KLF13: variants seen among roughly 807,000 people sequenced by gnomAD.
KLF13 encodes the protein Krueppel-like factor 13.
Under a neutral mutation model 16.7 loss-of-function variants are expected in KLF13, and 8 were observed. The observed-to-expected ratio is 0.48, with a 90% CI of 0.28 to 0.87. The LOEUF is 0.87. KLF13 is among the 40% of genes least tolerant of loss of function. KLF13 has a pLI of 0.10. For missense variants in KLF13, 447 were observed against 452.2 expected, an observed-to-expected ratio of 0.99 and a Z score of 0.10; for synonymous variants, 245 against 208.4, an observed-to-expected ratio of 1.18 and a Z score of -1.51.
chr15:31,335,376 C>T (rs776544273), intron 1 of KLF13, among the ~76,000 whole-genome samples: 2 of 151,654 alleles, frequency 1.3e-5, no homozygotes, highest in African/African-American at 4.8e-5. Context: ...TTCAGTTCCC[C>T]TCCTGATGCA....
At chr15:31,362,095 G>A (rs2140957457) in intron 1 of KLF13, among the ~76,000 whole-genome samples, 1 of 152,324 alleles carries the variant, frequency 6.6e-6, no homozygotes, top group East Asian at 1.9e-4. Context: ...TCAGCCCACA[G>A]TGGTGTCACA....
rs552234466 is a variant in KLF13 at position 31,353,463 on chromosome 15, C to T, written c.578-18547C>T. 8.5e-5 allele frequency among the ~76,000 whole-genome samples: 13 copies of T among 152,324 alleles called. No individual in the cohort carries two copies. The East Asian group carries it at 2.3e-3, about 27-fold the overall frequency. ...TGCCATCTGGCCTGCCCACTTGGGG[C>T]TGGCTGTGTTGGGCCTGGTCCCACC... On this transcript the variant is annotated intron_variant, in intron 1 of 1. Transcript: ENST00000307145.
chr15:31,364,146 TG>T (rs2039428580), intron 1 of KLF13, among the ~76,000 whole-genome samples: 2 of 51,162 alleles, frequency 3.9e-5, no homozygotes, highest in African/African-American at 5.9e-5. Flanking sequence ...GTCATTGTTT[TG>T]CAGGATTTTT....
chr15:31,345,094 G>A (rs577809005), intron 1 of KLF13, among the ~76,000 whole-genome samples: 82 of 152,346 alleles, frequency 5.4e-4, no homozygotes, highest in African/African-American at 1.9e-3. Context: ...TGAGCAGGTG[G>A]GGGTTGGGTC....
chr15:31,393,424 C>G (rs1215640553), intron 1 of KLF13, among the ~76,000 whole-genome samples: 2 of 27,560 alleles, frequency 7.3e-5, no homozygotes, highest in Non-Finnish European at 2.3e-4. Flanking sequence ...CCCGGCCCGT[C>G]CCCCCCCCGT....
At chr15:31,406,252 G>A (rs909742831), downstream of KLF13, among the ~76,000 whole-genome samples, 6 of 152,122 alleles carry the variant, frequency 3.9e-5, no homozygotes, top group Admixed American at 1.3e-4. Flanking sequence ...CAAGGCAGGC[G>A]GATCACCTGA....
intron 2 of KLF13, among the ~76,000 whole-genome samples, chr15:31,400,754 C>G (rs551279937): frequency 3.3e-5 from 5 of 152,102 alleles, no homozygotes; most frequent in African/African-American, 1.2e-4. Flanking sequence ...GCCGAGAGAC[C>G]AGGCAGAGGG....
chr15:31,389,123 TCTC>T (rs1359381582), upstream of KLF13, among the ~76,000 whole-genome samples: 2 of 152,022 alleles, frequency 1.3e-5, no homozygotes, highest in Non-Finnish European at 2.9e-5. Context: ...TCCTCTTTCT[TCTC>T]CTCCTCAGCC....
intron 1 of KLF13, chr15:31,420,523 G>A: frequency 1.7e-6 from 1 of 576,484 alleles, no homozygotes; most frequent in Non-Finnish European, 3.3e-6. Flanking sequence ...GGACCATTCT[G>A]GTCTCCATCC....
At chr15:31,423,353 C>T (rs530661347) in intron 1 of KLF13, among the ~76,000 whole-genome samples, 3 of 151,160 alleles carry the variant, frequency 2.0e-5, no homozygotes, top group South Asian at 4.2e-4. Flanking sequence ...TAACTTGGGC[C>T]GGGTGCTGTG....
chr15:31,394,971 C>T (rs2039935036), intron 2 of KLF13, among the ~76,000 whole-genome samples: 1 of 152,084 alleles, frequency 6.6e-6, no homozygotes. Flanking sequence ...TAGTACTCCA[C>T]TCCCTTTGTT....
At position 31,371,948 on chromosome 15, in the gene KLF13, C is replaced by A. The variant is rs547187347; in HGVS notation, c.578-62C>A. On this transcript the variant is annotated intron_variant, in intron 1 of 1. Transcript: ENST00000307145. ...GGTGTTGGGTGTTGCGGGCCCTTCC[C>A]CAGAGAGGGTGTGAAGGCGGGGCCA... is the stretch of plus-strand genomic sequence containing the variant. 557 of 1,515,998 alleles carry A rather than the reference C, an allele frequency of 3.7e-4. 5 individuals are homozygous for A. In the South Asian group the frequency reaches 6.6e-3, roughly 18 times the overall value. 93.9% of individuals were successfully genotyped at this position (1,515,998 alleles called of 1,614,324 possible). A position where few individuals can be genotyped will look rare whatever the true frequency, so the allele number is the denominator to read the frequency against.
upstream of KLF13, among the ~76,000 whole-genome samples, chr15:31,392,552 G>C (rs549438587): frequency 2.0e-3 from 312 of 152,334 alleles, 1 homozygote; most frequent in Non-Finnish European, 3.4e-3. Flanking sequence ...GCGCGCGACT[G>C]TCCCGCCCCT....
rs1595445492 is a variant in KLF13 at position 31,327,518 on chromosome 15, C to T, written c.306C>T (p.Ala102=). ...ARTPCRLPPP[A]PEPTSPGAEG... is the part of the protein sequence containing the mutation. ...CCCCCTGCCGCCTGCCGCCGCCCGC[C>T]CCCGAGCCCACCTCCCCCGGCGCCG... The change falls in exon 1 of 2, where the codon GCC becomes GCT. Residue 102 remains alanine (A), a synonymous_variant. Transcript: ENST00000307145. 1.1e-5 allele frequency: 12 copies of T among 1,129,710 alleles called. No individual in the cohort carries two copies. In the East Asian group the frequency reaches 4.1e-4, roughly 38 times the overall value. The allele number at this position is 1,129,710 out of a possible 1,614,324, so 70.0% of individuals were successfully genotyped here.
downstream of KLF13, among the ~76,000 whole-genome samples, chr15:31,382,779 C>G (rs2039742714): frequency 6.6e-6 from 1 of 152,238 alleles, no homozygotes; most frequent in Admixed American, 6.5e-5. Flanking sequence ...AGCTGTGACT[C>G]CCTGTGCCCA....
chr15:31,342,954 G>A (rs186897849), intron 1 of KLF13, among the ~76,000 whole-genome samples: 4 of 152,346 alleles, frequency 2.6e-5, no homozygotes, highest in East Asian at 3.9e-4. Context: ...CTCTCCCGGC[G>A]TCTGATTGCT....
rs374028398 is a variant in KLF13 at position 31,341,769 on chromosome 15, C to T, written c.577+13980C>T. Among the ~76,000 whole-genome samples the T allele has an allele frequency of 1.1e-4, 17 of 152,262 alleles. 1 individual carries two copies. Among genetic ancestry groups the T allele is most frequent in the Admixed American group, 5.9e-4 (9 of 15,294 alleles). On this transcript the variant is annotated intron_variant, in intron 1 of 1. Transcript: ENST00000307145. ...ATCCTCACAGCCTGACCTGAGCCCC[C>T]CTTCCCAGAGTCACCCTGTGACACA...
Position 31,327,746 on chromosome 15 carries a change from C to T in KLF13, c.534C>T (p.Tyr178=), listed in dbSNP as rs202115203. 609 of 1,534,034 alleles carry T rather than the reference C, an allele frequency of 4.0e-4. 7 individuals are homozygous for T. The South Asian group carries it at 5.7e-3, about 14-fold the overall frequency. Reference sequence around the variant, plus strand: ...ACTACGCGGGCTGCGAGAAAGTTTACGGGAAATCTTCGCACCTCAAGGCGC... The same window carrying T: ...ACTACGCGGGCTGCGAGAAAGTTTATGGGAAATCTTCGCACCTCAAGGCGC... The part of the protein sequence containing the change: ...KCHYAGCEKV[Y]GKSSHLKAHL... Residue 178 remains tyrosine, a synonymous_variant, in exon 1 of 2, where the codon TAC becomes TAT. Coordinates refer to ENST00000307145, the MANE Select transcript of KLF13 (RefSeq NM_015995.4).
downstream of KLF13, among the ~76,000 whole-genome samples, chr15:31,405,039 A>G (rs8030771): frequency 0.56 from 85,478 of 152,016 alleles, 24,771 homozygotes; most frequent in South Asian, 0.67. Flanking sequence ...AGATGGAACC[A>G]TGTGCCCCTG....
Sources: allele counts gnomAD v4.1 joint callset (sites outside exome capture counted in the v4.1 genomes callset), GRCh38; gene constraint gnomAD v4.1.1; transcripts MANE v1.5; gene names NCBI Gene and HGNC (gene_info 2026-07-23, HGNC 2026-07-21).